Variants in RAPGEF5 observed in about 807,000 individuals in gnomAD.
RAPGEF5 encodes Rap guanine nucleotide exchange factor 5.
Under a neutral mutation model 125.2 loss-of-function variants are expected in RAPGEF5, and 65 were observed. That is an observed-to-expected ratio of 0.52 (90% CI 0.43 to 0.64). RAPGEF5 has a LOEUF of 0.64. Ranked by LOEUF, RAPGEF5 falls within the 30% of genes least tolerant of loss-of-function variation. The pLI is 0.00. For synonymous variants in RAPGEF5, 391 were observed against 385.9 expected, an observed-to-expected ratio of 1.01 and a Z score of -0.16; for missense variants, 958 against 1,048.1, an observed-to-expected ratio of 0.91 and a Z score of 1.19.
intron 2 of RAPGEF5, 145 bp from the exon 3 acceptor site, chr7:22,315,621 G>A: frequency 1.8e-6 from 1 of 568,290 alleles, no homozygotes; most frequent in Admixed American, 5.8e-5. Context: ...CCATAAGGTT[G>A]AGACATATTT....
At chr7:22,264,729 T>A (rs76160219) in intron 7 of RAPGEF5, among the ~76,000 whole-genome samples, 8,735 of 152,268 alleles carry the variant, frequency 0.057, 291 homozygotes, top group South Asian at 0.085. Context: ...AATCCCACTC[T>A]GTGTAAATCA....
chr7:22,329,373 A>T (rs1031604390), intron 1 of RAPGEF5, among the ~76,000 whole-genome samples: 2 of 152,150 alleles, frequency 1.3e-5, no homozygotes, highest in Non-Finnish European at 2.9e-5. Context: ...ATAACTAGGG[A>T]ATCAGTCAAC....
chr7:22,330,530 C>A (rs1478825300), intron 1 of RAPGEF5, among the ~76,000 whole-genome samples: 2 of 152,348 alleles, frequency 1.3e-5, no homozygotes, highest in Non-Finnish European at 2.9e-5. Flanking sequence ...CTAGGCTCTG[C>A]CCAAGTTCCT....
intron 6 of RAPGEF5, among the ~76,000 whole-genome samples, chr7:22,273,951 T>C (rs376732363): frequency 1.3e-5 from 2 of 152,286 alleles, no homozygotes; most frequent in African/African-American, 4.8e-5. Context: ...GATAGTCACC[T>C]CCCTGTAGTT....
Position 22,230,893 on chromosome 7 carries a change from CGTT to C in RAPGEF5, c.820_822del (p.Asn274del). 1 of 1,564,038 alleles carries C rather than the reference CGTT, an allele frequency of 6.4e-7. No homozygotes were observed. Among genetic ancestry groups the C allele is most frequent in the South Asian group, 1.2e-5 (1 of 85,128 alleles). On this transcript the variant is annotated inframe_deletion, in exon 8 of 26. Coordinates refer to ENST00000665637, the MANE Select transcript of RAPGEF5 (RefSeq NM_012294.5). ...GCTTCTGTTACAGCTACATGTTTGT[CGTT>C]GTTTTCTTCATCTTGTTCAATTGCT...
At chr7:22,310,155 A>G (rs1361179605) in intron 3 of RAPGEF5, 65 bp from the exon 4 acceptor site, 6 of 1,405,964 alleles carry the variant, frequency 4.3e-6, no homozygotes, top group African/African-American at 1.5e-5. Context: ...AAAAACAAAA[A>G]TGATATATAA....
At chr7:22,348,132 C>T (rs1409977480) in intron 1 of RAPGEF5, among the ~76,000 whole-genome samples, 1 of 152,182 alleles carries the variant, frequency 6.6e-6, no homozygotes, top group Non-Finnish European at 1.5e-5. Flanking sequence ...TTCAGAACAT[C>T]CACAAGCCCT....
chr7:22,295,062 T>A (rs1783028365), intron 5 of RAPGEF5, among the ~76,000 whole-genome samples: 1 of 152,218 alleles, frequency 6.6e-6, no homozygotes, highest in South Asian at 2.1e-4. Flanking sequence ...AAAGTTTGTA[T>A]GCTTTGATCA....
At chr7:22,335,264 AAGTTCAC>A (rs1216390625) in intron 1 of RAPGEF5, among the ~76,000 whole-genome samples, 1 of 152,224 alleles carries the variant, frequency 6.6e-6, no homozygotes, top group Non-Finnish European at 1.5e-5. Context: ...TCAGCTACAC[AAGTTCAC>A]AGTTTTCTAC....
chr7:22,285,215 C>G (rs376039503), intron 6 of RAPGEF5, among the ~76,000 whole-genome samples: 106 of 152,162 alleles, frequency 7.0e-4, no homozygotes, highest in African/African-American at 2.5e-3. Flanking sequence ...AGGAAAAAAT[C>G]AAAATTCAAA....
chr7:22,287,425 G>C (rs1416780320), intron 6 of RAPGEF5, among the ~76,000 whole-genome samples: 1 of 152,162 alleles, frequency 6.6e-6, no homozygotes, highest in Non-Finnish European at 1.5e-5. Flanking sequence ...ATGAACCTAA[G>C]AGGGAACCAG....
Position 22,316,882 on chromosome 7 carries a change from T to C in RAPGEF5, c.282+1105A>G, listed in dbSNP as rs139066127. ...ACCAGGAACATCAACCCCATCCTTA[T>C]ACTTCTTTAATTTTCCTGATATCAT... On this transcript the variant is annotated intron_variant, in intron 2 of 25. Coordinates refer to ENST00000665637, the MANE Select transcript of RAPGEF5 (RefSeq NM_012294.5). 4.9e-3 allele frequency among the ~76,000 whole-genome samples: 737 copies of C among 151,768 alleles called. 12 individuals carry two copies. Among genetic ancestry groups the C allele is most frequent in the African/African-American group, 0.017 (707 of 41,366 alleles).
chr7:22,294,791 T>C (rs369563030), intron 5 of RAPGEF5, among the ~76,000 whole-genome samples: 1 of 152,210 alleles, frequency 6.6e-6, no homozygotes, highest in Non-Finnish European at 1.5e-5. Context: ...TCACCTGGAC[T>C]CAGAAGCCAG....
chr7:22,275,700 T>A (rs1411358444), intron 6 of RAPGEF5, among the ~76,000 whole-genome samples: 1 of 144,440 alleles, frequency 6.9e-6, no homozygotes, highest in Non-Finnish European at 1.5e-5. Context: ...AACAAGCATG[T>A]TCTCTTTGGA....
At chr7:22,257,170 T>A (rs144925882) in intron 7 of RAPGEF5, among the ~76,000 whole-genome samples, 1 of 152,204 alleles carries the variant, frequency 6.6e-6, no homozygotes, top group African/African-American at 2.4e-5. Flanking sequence ...CATAAGATAG[T>A]AGGGTAATCA....
intron 7 of RAPGEF5, among the ~76,000 whole-genome samples, chr7:22,257,094 C>A (rs1207569555): frequency 1.3e-5 from 2 of 152,250 alleles, no homozygotes; most frequent in East Asian, 3.9e-4. Context: ...ATTTTAATAA[C>A]CTCTTGCAGT....
intron 1 of RAPGEF5, among the ~76,000 whole-genome samples, chr7:22,331,744 C>CAAAAAAAAAAAAAAAA (rs11406166): frequency 1.1e-5 from 1 of 94,906 alleles, no homozygotes; most frequent in Non-Finnish European, 2.1e-5. Flanking sequence ...GACTCCATCT[C>CAAAAAAAAAAAAAAAA]AAAAAAAAAA....
chr7:22,162,832 G>T, intron 12 of RAPGEF5: 1 of 486,276 alleles, frequency 2.1e-6, no homozygotes, highest in Non-Finnish European at 3.9e-6. Context: ...AGCCCAAGGA[G>T]ATACTAGGTG....
At chr7:22,271,210 A>G (rs778610886) in intron 6 of RAPGEF5, among the ~76,000 whole-genome samples, 7 of 152,214 alleles carry the variant, frequency 4.6e-5, no homozygotes, top group African/African-American at 7.2e-5. Flanking sequence ...TTAGGCCCCA[A>G]CTAAATCAGA....
Sources: gnomAD v4.1 joint callset for allele counts (sites outside exome capture counted in the v4.1 genomes callset) on GRCh38, gnomAD v4.1.1 for gene constraint, MANE v1.5 for transcripts, NCBI Gene and HGNC (gene_info 2026-07-23, HGNC 2026-07-21) for gene names.